PPEF1: variants seen among roughly 807,000 people sequenced by gnomAD.
PPEF1 encodes the protein serine/threonine-protein phosphatase with EF-hands 1.
In PPEF1, 12 loss-of-function variants were observed where a neutral mutation model predicts 53.3. The ratio of observed to expected loss-of-function variants is 0.23; its 90% CI spans 0.14 to 0.36. PPEF1 has a LOEUF of 0.36. Ranked by LOEUF, PPEF1 falls within the 10% of genes least tolerant of loss-of-function variation. PPEF1 has a pLI of 1.00. For missense variants in PPEF1, 334 were observed against 490.4 expected (o/e 0.68, Z 3.01); for synonymous variants, 165 against 176.7 (o/e 0.93, Z 0.52).
chrX:18,721,320 T>G (rs2044584688), intron 1 of PPEF1, among the ~76,000 whole-genome samples: 1 of 112,401 alleles, frequency 8.9e-6, no homozygotes, highest in Non-Finnish European at 1.9e-5. Context: ...ATTAGTAACT[T>G]GTATTTTTCT....
At chrX:18,766,914 T>C (rs1328229369) in intron 6 of PPEF1, among the ~76,000 whole-genome samples, 1 of 111,144 alleles carries the variant, frequency 9.0e-6, no homozygotes, top group African/African-American at 3.3e-5. Context: ...TAGCTTCGCA[T>C]GGTGGTGCAT....
intron 9 of PPEF1, among the ~76,000 whole-genome samples, chrX:18,784,627 C>A (rs909814151): frequency 1.8e-5 from 2 of 110,807 alleles, no homozygotes; most frequent in African/African-American, 6.6e-5. Context: ...ACTCTAGGTA[C>A]CTTATATAAG....
intron 12 of PPEF1, among the ~76,000 whole-genome samples, chrX:18,809,722 A>G (rs1315683363): frequency 1.8e-5 from 2 of 109,229 alleles, no homozygotes; most frequent in African/African-American, 6.8e-5. Context: ...AAAAAAATCC[A>G]CTGAAGGGAA....
chrX:18,776,893 C>T (rs2045977953), intron 6 of PPEF1, among the ~76,000 whole-genome samples: 1 of 111,894 alleles, frequency 8.9e-6, no homozygotes, highest in Non-Finnish European at 1.9e-5. Flanking sequence ...GCACTCCAGC[C>T]TGGGCAACAA....
chrX:18,712,299 G>A (rs2044348714), intron 1 of PPEF1, among the ~76,000 whole-genome samples: 1 of 111,653 alleles, frequency 9.0e-6, no homozygotes, highest in African/African-American at 3.2e-5. Context: ...AACATGGGAT[G>A]TCTTTCCATC....
At chrX:18,764,496 G>A (rs2045728153) in intron 6 of PPEF1, among the ~76,000 whole-genome samples, 1 of 111,472 alleles carries the variant, frequency 9.0e-6, no homozygotes, top group Non-Finnish European at 1.9e-5. Context: ...GGCCTATGGA[G>A]GAGAGAAGCC....
At chrX:18,739,027 C>T (rs2045072936) in intron 3 of PPEF1, among the ~76,000 whole-genome samples, 3 of 112,032 alleles carry the variant, frequency 2.7e-5, no homozygotes, top group African/African-American at 9.7e-5. Context: ...AGCCATTCGT[C>T]TAATCTTTTT....
Position 18,778,991 on chromosome X carries a change from C to T in PPEF1, c.559-19C>T, listed in dbSNP as rs377131587. 13 of 1,158,873 alleles carry T rather than the reference C, an allele frequency of 1.1e-5. No individual in the cohort carries two copies. In the African/African-American group the frequency reaches 2.2e-4, roughly 19 times the overall value. ...TATTCTTTTAATTCCTTGTTTTTTCCCTTCTCCTCCTTCCACAGAATGGTC... is the reference window on the plus strand; with the variant it reads ...TATTCTTTTAATTCCTTGTTTTTTCTCTTCTCCTCCTTCCACAGAATGGTC... On this transcript the variant is annotated intron_variant, in intron 6 of 15. Coordinates refer to ENST00000470157, the MANE Select transcript of PPEF1 (RefSeq NM_001377996.1).
At chrX:18,776,474 C>T (rs1004763623) in intron 6 of PPEF1, among the ~76,000 whole-genome samples, 2 of 111,148 alleles carry the variant, frequency 1.8e-5, no homozygotes, top group African/African-American at 3.3e-5. Context: ...TGGGCTCAAG[C>T]GATCCGTCCA....
intron 1 of PPEF1, among the ~76,000 whole-genome samples, chrX:18,677,009 C>T (rs895691060): frequency 7.3e-5 from 8 of 109,280 alleles, no homozygotes; most frequent in Non-Finnish European, 1.3e-4. Flanking sequence ...TTCTCCCCGC[C>T]GCCCCTCGCA....
intron 11 of PPEF1, among the ~76,000 whole-genome samples, 181 bp downstream of exon 11, chrX:18,804,258 A>G (rs901389564): frequency 1.8e-5 from 2 of 110,651 alleles, no homozygotes; most frequent in African/African-American, 3.3e-5. Context: ...CCCTTATCCT[A>G]AAAGATATTT....
At chrX:18,808,166 C>T (rs1472753580) in intron 12 of PPEF1, among the ~76,000 whole-genome samples, 2 of 107,035 alleles carry the variant, frequency 1.9e-5, no homozygotes, top group African/African-American at 3.4e-5. Context: ...GGGGTTTCAC[C>T]ATGTTGGCTA....
At chrX:18,730,044 C>G (rs1267578746) in intron 1 of PPEF1, 137 bp from the exon 2 acceptor site, 3 of 575,350 alleles carry the variant, frequency 5.2e-6, no homozygotes, top group Non-Finnish European at 7.7e-6. Context: ...AAGTCAATCT[C>G]ATTGTTTGGT....
rs55997147 is a variant in PPEF1 at position 18,713,420 on chromosome X, C to CTTTTTTTTTTTTTTTTTTTTT, written c.46+5612_46+5613insTTTTTTTTTTTTTTTTTTTTT. On this transcript the variant is annotated intron_variant, in intron 1 of 15. Transcript: ENST00000470157. ...TTGTTCAGAGTATTCCCTTAAAATT[C>CTTTTTTTTTTTTTTTTTTTTT]TTTTTTTTTTTTTTTTTTCTTTACT... Among the ~76,000 whole-genome samples the CTTTTTTTTTTTTTTTTTTTTT allele has an allele frequency of 2.2e-4, 17 of 77,511 alleles. 1 individual carries two copies. Among genetic ancestry groups the CTTTTTTTTTTTTTTTTTTTTT allele is most frequent in the African/African-American group, 6.4e-4 (13 of 20,295 alleles). The allele number at this position is 77,511 out of a possible 115,157, so 67.3% of individuals were successfully genotyped here. A position where few individuals can be genotyped will look rare whatever the true frequency, so the allele number is the denominator to read the frequency against.
chrX:18,721,704 T>C (rs1206307434), intron 1 of PPEF1, among the ~76,000 whole-genome samples: 1 of 111,714 alleles, frequency 9.0e-6, no homozygotes, highest in African/African-American at 3.3e-5. Context: ...CTTATTTTTA[T>C]TACCCCATGT....
intron 12 of PPEF1, among the ~76,000 whole-genome samples, chrX:18,810,855 G>T (rs147279887): frequency 8.9e-6 from 1 of 111,985 alleles, no homozygotes; most frequent in African/African-American, 3.2e-5. Context: ...GCAAGTTTTT[G>T]TGTGTACATG....
At chrX:18,789,399 T>A (rs557015048) in intron 10 of PPEF1, 126 bp downstream of exon 10, 1 of 653,547 alleles carries the variant, frequency 1.5e-6, no homozygotes, top group East Asian at 3.5e-5. Context: ...TTGGAATTCA[T>A]CACTATATTT....
chrX:18,677,035 CTTTTTTTTTT>C (rs763530257), intron 1 of PPEF1, among the ~76,000 whole-genome samples: 1 of 90,025 alleles, frequency 1.1e-5, no homozygotes, highest in Admixed American at 1.3e-4. Flanking sequence ...TCATCACAAT[CTTTTTTTTTT>C]TTTTTTTTTT....
At chrX:18,738,161 G>A (rs756200978) in intron 3 of PPEF1, among the ~76,000 whole-genome samples, 1 of 111,369 alleles carries the variant, frequency 9.0e-6, no homozygotes, top group Admixed American at 9.6e-5. Context: ...ATTTGATCCT[G>A]TCATTATGAT....
Sources: allele counts gnomAD v4.1 joint callset (sites outside exome capture counted in the v4.1 genomes callset), GRCh38; gene constraint gnomAD v4.1.1; transcripts MANE v1.5; gene names NCBI Gene and HGNC (gene_info 2026-07-23, HGNC 2026-07-21).